ZSCAN4: variants seen among roughly 807,000 people sequenced by gnomAD.
The protein encoded by ZSCAN4 is zinc finger and SCAN domain-containing protein 4.
ZSCAN4 carries 18 observed loss-of-function variants against 18.3 expected under a neutral mutation model. The observed-to-expected ratio is 0.98, with a 90% CI of 0.68 to 1.46. The LOEUF is 1.46. Among genes scored for constraint, ZSCAN4 ranks in the 40% most tolerant of loss-of-function variants. The pLI is 0.00. For synonymous variants in ZSCAN4, 193 were observed against 180.3 expected (o/e 1.07, Z -0.57); for missense variants, 498 against 511.4 (o/e 0.97, Z 0.25).
chr19:57,655,351 G>T, the ZSCAN4 span, among the ~76,000 whole-genome samples: 2 of 152,060 alleles, frequency 1.3e-5, no homozygotes, highest in African/African-American at 2.4e-5. Flanking sequence ...CCAGCACTGG[G>T]ACTACCCAAC....
At chr19:57,671,490 C>G (rs994692493) in intron 2 of ZSCAN4, among the ~76,000 whole-genome samples, 8 of 119,398 alleles carry the variant, frequency 6.7e-5, no homozygotes, top group African/African-American at 2.3e-4. Flanking sequence ...GCCATGGGTT[C>G]CACAGGAAAA....
chr19:57,678,832 C>T, exon 5 of ZSCAN4: 1 of 1,614,002 alleles, frequency 6.2e-7, no homozygotes, highest in Non-Finnish European at 8.5e-7. Context: ...CAGTCATCCA[C>T]ATACCACCGC....
the ZSCAN4 span, among the ~76,000 whole-genome samples, chr19:57,653,813 G>T: frequency 6.6e-6 from 1 of 152,194 alleles, no homozygotes; most frequent in South Asian, 2.1e-4. Flanking sequence ...ATCCCAGGCT[G>T]CCCTCAAAAC....
chr19:57,670,446 C>T lies in ZSCAN4; in HGVS notation c.-227C>T, dbSNP rs973571632. ...TATCCAATCACGTCTTTAAATCAAT[C>T]ACTGATCCCAGCCCCTATAAAAGGG... On this transcript the variant is annotated 5_prime_UTR_variant, in exon 2 of 5. Coordinates refer to ENST00000318203, the Ensembl canonical transcript of ZSCAN4. 3 of 152,194 alleles carry T rather than the reference C, an allele frequency of 2.0e-5. No homozygotes were observed. In the East Asian group the frequency reaches 5.8e-4, roughly 29 times the overall value. The allele number at this position is 152,194 out of a possible 1,614,324, so 9.4% of individuals were successfully genotyped here. A position where few individuals can be genotyped will look rare whatever the true frequency, so the allele number is the denominator to read the frequency against.
chr19:57,675,562 G>A (rs1193856029), intron 2 of ZSCAN4, among the ~76,000 whole-genome samples: 1 of 152,210 alleles, frequency 6.6e-6, no homozygotes, highest in Non-Finnish European at 1.5e-5. Context: ...GATTATAGGA[G>A]TGAGCCACTG....
chr19:57,658,945 A>G, the ZSCAN4 span, among the ~76,000 whole-genome samples: 1 of 152,114 alleles, frequency 6.6e-6, no homozygotes, highest in Non-Finnish European at 1.5e-5. Context: ...ACAATAACTC[A>G]TGGTCCATTA....
the ZSCAN4 span, among the ~76,000 whole-genome samples, chr19:57,653,203 G>T: frequency 2.0e-5 from 3 of 152,068 alleles, no homozygotes; most frequent in Non-Finnish European, 4.4e-5. Context: ...TAACCAGCCT[G>T]ATCAACATGG....
At chr19:57,665,310 A>C (rs1257552847), upstream of ZSCAN4, among the ~76,000 whole-genome samples, 1 of 152,080 alleles carries the variant, frequency 6.6e-6, no homozygotes, top group Non-Finnish European at 1.5e-5. Context: ...CTTTTCCTGG[A>C]GTGTATCTAC....
At chr19:57,663,154 C>T in the ZSCAN4 span, among the ~76,000 whole-genome samples, 4 of 151,482 alleles carry the variant, frequency 2.6e-5, no homozygotes, top group Admixed American at 2.0e-4. Context: ...CCGCCCGCCT[C>T]GGCCTCCCAC....
chr19:57,678,781 A>T (rs772009746), exon 5 of ZSCAN4: 2 of 1,614,194 alleles, frequency 1.2e-6, no homozygotes, highest in East Asian at 4.5e-5. Flanking sequence ...CACACAGGAG[A>T]AAAGCCTTAT....
the ZSCAN4 span, among the ~76,000 whole-genome samples, chr19:57,659,236 C>T: frequency 3.9e-5 from 6 of 152,308 alleles, no homozygotes; most frequent in Admixed American, 6.5e-5. Context: ...TTTTCTAATA[C>T]ACTATCAGCC....
the ZSCAN4 span, among the ~76,000 whole-genome samples, chr19:57,653,369 A>G: frequency 6.7e-6 from 1 of 148,300 alleles, no homozygotes. Context: ...CCTGGGTGAC[A>G]GAGCGAGACT....
At chr19:57,670,166 G>C (rs1983974567) in intron 1 of ZSCAN4, 79 bp from the exon 2 acceptor site, 1 of 152,426 alleles carries the variant, frequency 6.6e-6, no homozygotes, top group Non-Finnish European at 1.5e-5. Context: ...GCCTCCCAAA[G>C]TGCTGAGATT....
chr19:57,653,359 C>G, the ZSCAN4 span, among the ~76,000 whole-genome samples: 1 of 143,864 alleles, frequency 7.0e-6, no homozygotes, highest in Non-Finnish European at 1.5e-5. Context: ...TGCAATCCAG[C>G]CTGGGTGACA....
the ZSCAN4 span, among the ~76,000 whole-genome samples, chr19:57,653,959 C>T: frequency 6.6e-6 from 1 of 152,154 alleles, no homozygotes; most frequent in African/African-American, 2.4e-5. Context: ...CTTGGCCTGG[C>T]CACTGAAGAC....
At chr19:57,677,862 C>T (rs1984231757) in intron 3 of ZSCAN4, 52 bp from the exon 4 acceptor site, 1 of 1,469,670 alleles carries the variant, frequency 6.8e-7, no homozygotes, top group African/African-American at 1.4e-5. Flanking sequence ...TCCAAAAAGT[C>T]TTCTGTTACA....
chr19:57,663,519 C>CAAAAAA, the ZSCAN4 span, among the ~76,000 whole-genome samples: 4 of 18,312 alleles, frequency 2.2e-4, no homozygotes, highest in African/African-American at 8.7e-4. Context: ...AACCATGTCT[C>CAAAAAA]TAAAAAAAAA....
chr19:57,676,669 C>T (rs2122308013), intron 3 of ZSCAN4, 128 bp downstream of exon 3: 2 of 1,058,778 alleles, frequency 1.9e-6, no homozygotes, highest in Non-Finnish European at 2.7e-6. Flanking sequence ...CTCACACTCT[C>T]CCACCATTCT....
At chr19:57,672,054 C>A (rs905119549) in intron 2 of ZSCAN4, among the ~76,000 whole-genome samples, 3 of 152,076 alleles carry the variant, frequency 2.0e-5, no homozygotes, top group Admixed American at 1.3e-4. Flanking sequence ...GGATTAAATT[C>A]TTTATCCATT....
Sources: allele counts gnomAD v4.1 joint callset (sites outside exome capture counted in the v4.1 genomes callset), GRCh38; gene constraint gnomAD v4.1.1; transcripts MANE v1.5; gene names NCBI Gene and HGNC (gene_info 2026-07-23, HGNC 2026-07-21).